Variants in CLNK observed in about 807,000 individuals in gnomAD.
CLNK encodes cytokine dependent hematopoietic cell linker.
CLNK carries 74 observed loss-of-function variants against 68.6 expected under a neutral mutation model. That is an observed-to-expected ratio of 1.08 (90% CI 0.89 to 1.31). The LOEUF is 1.31. CLNK is among the 50% of genes most tolerant of loss of function. The pLI is 0.00. For missense variants in CLNK, 553 were observed against 515.3 expected (o/e 1.07, Z -0.71); for synonymous variants, 198 against 172.2 (o/e 1.15, Z -1.17).
At chr4:10,698,571 T>C in the CLNK span, among the ~76,000 whole-genome samples, 1 of 152,230 alleles carries the variant, frequency 6.6e-6, no homozygotes. Context: ...GATCCACCTG[T>C]CCCTTCTGTC....
the CLNK span, among the ~76,000 whole-genome samples, chr4:10,702,042 A>G: frequency 6.6e-6 from 1 of 152,234 alleles, no homozygotes; most frequent in Non-Finnish European, 1.5e-5. Flanking sequence ...AGGTGAGGCT[A>G]GACAGGTCAG....
chr4:10,522,434 C>T lies in CLNK; in HGVS notation c.732-1603G>A, dbSNP rs535762790. On this transcript the variant is annotated intron_variant, in intron 14 of 18. Transcript: ENST00000226951. ...ACTAAAAATACAAAAATCAGCTGGG[C>T]GTGGTGGCATCTGCCTGTAGTCCCA... Among the ~76,000 whole-genome samples, 8 of 151,006 alleles carry T rather than the reference C, an allele frequency of 5.3e-5. No individual in the cohort carries two copies. The South Asian group carries it at 8.4e-4, about 16-fold the overall frequency.
rs147620180 is a variant in CLNK, at chr4:10,507,214, C to T, written c.984+745G>A. The stretch of plus-strand genomic sequence containing the variant: ...GCAACCTCTGCCTCCCGGCTTCAAG[C>T]GATTCTCTTGTCTCAGCCTCCCGAG... On this transcript the variant is annotated intron_variant, in intron 17 of 18. Transcript: ENST00000226951. Among the ~76,000 whole-genome samples, 1,262 of 150,210 alleles carry T rather than the reference C, an allele frequency of 8.4e-3. 11 individuals carry two copies. The highest frequency in any genetic ancestry group is 0.04 in the Middle Eastern group (11 of 276).
intron 17 of CLNK, among the ~76,000 whole-genome samples, chr4:10,502,303 A>G (rs1717088731): frequency 2.0e-5 from 3 of 152,306 alleles, no homozygotes; most frequent in Non-Finnish European, 4.4e-5. Flanking sequence ...TGGCAGCAGG[A>G]GAGAGCAGAG....
At chr4:10,566,425 G>T (rs1054583859) in intron 5 of CLNK, among the ~76,000 whole-genome samples, 1 of 152,182 alleles carries the variant, frequency 6.6e-6, no homozygotes, top group Non-Finnish European at 1.5e-5. Flanking sequence ...TCACTAATCA[G>T]CTGACCTTAA....
chr4:10,559,009 C>T (rs770438423), intron 7 of CLNK, among the ~76,000 whole-genome samples: 12 of 152,008 alleles, frequency 7.9e-5, no homozygotes, highest in Non-Finnish European at 1.5e-4. Flanking sequence ...GAGGACGGGA[C>T]GACAACACGG....
chr4:10,733,658 C>A, the CLNK span, among the ~76,000 whole-genome samples: 3 of 152,196 alleles, frequency 2.0e-5, no homozygotes, highest in Non-Finnish European at 2.9e-5. Flanking sequence ...CTAATTTATT[C>A]ATTCTGAGCA....
chr4:10,520,915 A>C (rs1718033942), intron 14 of CLNK, 84 bp from the exon 15 acceptor site: 1 of 941,456 alleles, frequency 1.1e-6, no homozygotes, highest in Non-Finnish European at 1.7e-6. Context: ...GGTCAATGAT[A>C]ATAGCCTGAA....
intron 2 of CLNK, among the ~76,000 whole-genome samples, chr4:10,661,283 A>G (rs1382386508): frequency 6.6e-6 from 1 of 152,208 alleles, no homozygotes. Context: ...AGCCCTCTCA[A>G]GAGGAGCTGA....
At chr4:10,610,845 G>T (rs1269448459) in intron 2 of CLNK, among the ~76,000 whole-genome samples, 5 of 150,966 alleles carry the variant, frequency 3.3e-5, no homozygotes, top group Admixed American at 3.3e-4. Context: ...ATAAAAACTT[G>T]ATTTGTACCT....
At chr4:10,698,616 C>G in the CLNK span, among the ~76,000 whole-genome samples, 2 of 152,170 alleles carry the variant, frequency 1.3e-5, no homozygotes, top group Non-Finnish European at 2.9e-5. Context: ...TCTCACATTT[C>G]TCAGATATTT....
At chr4:10,681,326 A>G (rs988835776) in intron 1 of CLNK, among the ~76,000 whole-genome samples, 2 of 152,202 alleles carry the variant, frequency 1.3e-5, no homozygotes, top group African/African-American at 4.8e-5. Flanking sequence ...CTGGGTCTTC[A>G]AAACTGATGG....
At chr4:10,658,252 A>G (rs1415990121) in intron 2 of CLNK, among the ~76,000 whole-genome samples, 1 of 152,246 alleles carries the variant, frequency 6.6e-6, no homozygotes, top group Non-Finnish European at 1.5e-5. Context: ...ATTCTCACTT[A>G]CAATGAATGT....
At chr4:10,611,545 G>A (rs1722024715) in intron 2 of CLNK, among the ~76,000 whole-genome samples, 1 of 151,400 alleles carries the variant, frequency 6.6e-6, no homozygotes, top group Non-Finnish European at 1.5e-5. Flanking sequence ...CTGCAGGGAA[G>A]CTGGGAGGGG....
At chr4:10,509,672 G>A (rs1717481110) in intron 16 of CLNK, among the ~76,000 whole-genome samples, 1 of 152,042 alleles carries the variant, frequency 6.6e-6, no homozygotes, top group Non-Finnish European at 1.5e-5. Context: ...TTACAGGCAT[G>A]TGGCCACCAT....
chr4:10,606,150 C>T (rs192277093), intron 2 of CLNK, among the ~76,000 whole-genome samples: 122 of 152,290 alleles, frequency 8.0e-4, no homozygotes, highest in African/African-American at 2.5e-3. Context: ...TACGAAGATA[C>T]TTGTTATATA....
chr4:10,630,336 G>T (rs1722836728), intron 2 of CLNK, among the ~76,000 whole-genome samples: 1 of 152,180 alleles, frequency 6.6e-6, no homozygotes, highest in Non-Finnish European at 1.5e-5. Flanking sequence ...ATAAGCTCTT[G>T]TCACCCTCCT....
At chr4:10,569,595 T>C (rs1022453431) in intron 5 of CLNK, among the ~76,000 whole-genome samples, 1 of 152,156 alleles carries the variant, frequency 6.6e-6, no homozygotes, top group Non-Finnish European at 1.5e-5. Context: ...CAGGCACCTA[T>C]CAAAGGCTCT....
At chr4:10,660,292 A>T (rs915101659) in intron 2 of CLNK, among the ~76,000 whole-genome samples, 4 of 152,246 alleles carry the variant, frequency 2.6e-5, no homozygotes, top group African/African-American at 9.6e-5. Context: ...AAAATATGGG[A>T]TGCCTAAGGG....
Sources: gnomAD v4.1 joint callset for allele counts (sites outside exome capture counted in the v4.1 genomes callset) on GRCh38, gnomAD v4.1.1 for gene constraint, MANE v1.5 for transcripts, NCBI Gene and HGNC (gene_info 2026-07-23, HGNC 2026-07-21) for gene names.